The following NF1 variants were observed in gnomAD, a reference collection of about 807,000 sequenced individuals.
The protein encoded by NF1 is neurofibromin 1.
NF1 carries 122 observed loss-of-function variants against 325.7 expected under a neutral mutation model. The observed-to-expected ratio is 0.37, with a 90% confidence interval of 0.32 to 0.44. The LOEUF (loss-of-function observed/expected upper bound fraction) is 0.44, where lower values mean the gene tolerates loss of function less well. Among genes scored for constraint, NF1 ranks in the 20% least tolerant of loss-of-function variants. The pLI is 1.00. For synonymous variants in NF1, 1,091 were observed against 1,186.0 expected (o/e 0.92, Z 1.65); for missense variants, 2,140 against 3,415.4 (o/e 0.63, Z 9.31).
intron 48 of NF1, among the ~76,000 whole-genome samples, chr17:31,347,485 T>TA: frequency 6.6e-6 from 1 of 152,206 alleles, no homozygotes. Flanking sequence ...AACATATCGA[T>TA]AAACCATTTG....
intron 1 of NF1, among the ~76,000 whole-genome samples, chr17:31,121,337 A>T (rs1243232167): frequency 6.6e-6 from 1 of 151,368 alleles, no homozygotes; most frequent in Non-Finnish European, 1.5e-5. Flanking sequence ...ATTTTATTTC[A>T]TATATTCATT....
intron 40 of NF1, among the ~76,000 whole-genome samples, 185 bp downstream of exon 40, chr17:31,335,216 T>C (rs2069615639): frequency 8.3e-6 from 1 of 121,020 alleles, no homozygotes; most frequent in South Asian, 2.5e-4. Flanking sequence ...AAATGTCTAG[T>C]GCATGTCTCA....
At chr17:31,322,534 A>G (rs917199910) in intron 36 of NF1, among the ~76,000 whole-genome samples, 1 of 119,396 alleles carries the variant, frequency 8.4e-6, no homozygotes, top group Admixed American at 8.8e-5. Flanking sequence ...AAAAAAAAAA[A>G]AAGAACTGGA....
At chr17:31,103,452 C>G (rs1912551792) in intron 1 of NF1, among the ~76,000 whole-genome samples, 2 of 151,846 alleles carry the variant, frequency 1.3e-5, no homozygotes, top group African/African-American at 4.8e-5. Flanking sequence ...ACCATGTTGG[C>G]TAGGCTGGTC....
chr17:31,268,457 T>C (rs562770861), intron 36 of NF1, among the ~76,000 whole-genome samples: 102 of 151,878 alleles, frequency 6.7e-4, no homozygotes, highest in African/African-American at 2.4e-3. Context: ...TGAAACCCCA[T>C]CTCTACTAAA....
At chr17:31,124,201 C>T (rs1914670508) in intron 1 of NF1, among the ~76,000 whole-genome samples, 1 of 151,946 alleles carries the variant, frequency 6.6e-6, no homozygotes, top group African/African-American at 2.4e-5. Context: ...AAATATTCTG[C>T]AATTTGCTTT....
At chr17:31,246,470 A>G (rs1284035864) in intron 29 of NF1, among the ~76,000 whole-genome samples, 1 of 152,276 alleles carries the variant, frequency 6.6e-6, no homozygotes, top group Non-Finnish European at 1.5e-5. Flanking sequence ...ATATAGAAAC[A>G]AAATTACTAA....
rs876659418 is a variant in NF1 at position 31,163,270 on chromosome 17, C to A, written c.373C>A (p.Arg125Ser). 1 of 1,614,100 alleles carries A rather than the reference C, an allele frequency of 6.2e-7. No homozygotes were observed. The highest frequency in any genetic ancestry group is 1.1e-5 in the South Asian group (1 of 91,066). ...AATCTGCCATTTTCTTCACACCTGT[C>A]GTGAAGGAAACCAGCATGCAGCTGA... ...PEICHFLHTC[R>S]EGNQHAAELR... The change falls in exon 4 of 58, where the codon CGT (arginine) becomes AGT (serine). Residue 125 changes from arginine (R) to serine (S), a missense_variant. By Grantham distance (110) the Arg-to-Ser change is moderately radical (BLOSUM62 -1). Transcript: ENST00000358273.
At chr17:31,228,574 C>A (rs1434990135) in intron 20 of NF1, among the ~76,000 whole-genome samples, 2 of 152,098 alleles carry the variant, frequency 1.3e-5, no homozygotes, top group Non-Finnish European at 2.9e-5. Context: ...GAGAAAAAAA[C>A]CCCGTACCCT....
chr17:31,328,765 T>C (rs1027691767), intron 38 of NF1, among the ~76,000 whole-genome samples: 13 of 152,172 alleles, frequency 8.5e-5, no homozygotes, highest in African/African-American at 3.1e-4. Context: ...CCAGGTTTTA[T>C]AGTGGGCCTT....
At chr17:31,313,202 A>G (rs1275173733) in intron 36 of NF1, among the ~76,000 whole-genome samples, 4 of 152,170 alleles carry the variant, frequency 2.6e-5, no homozygotes, top group Admixed American at 2.0e-4. Flanking sequence ...CATTCTTACT[A>G]TGCAAACTAA....
intron 36 of NF1, among the ~76,000 whole-genome samples, chr17:31,312,535 A>AG (rs2068904574): frequency 6.6e-6 from 1 of 151,684 alleles, no homozygotes; most frequent in Non-Finnish European, 1.5e-5. Flanking sequence ...AAAAAAAAAA[A>AG]GTATGGGATT....
At chr17:31,169,354 A>G (rs2065895911) in intron 4 of NF1, among the ~76,000 whole-genome samples, 1 of 152,212 alleles carries the variant, frequency 6.6e-6, no homozygotes, top group African/African-American at 2.4e-5. Flanking sequence ...TCTTAAGGAT[A>G]AGGATGCTAC....
chr17:31,337,627 T>A lies in NF1; in HGVS notation c.6642+45T>A, dbSNP rs17883614. 52,426 of 1,555,824 alleles carry A rather than the reference T, an allele frequency of 0.034. 5,974 individuals carry two copies. In the African/African-American group the frequency reaches 0.38, roughly 11 times the overall value. Reference sequence around the variant, plus strand: ...AAGAAACTAAGTTAAAATCTTTTTTTAAAAATATGTTAATACTATATAGAA... The same window carrying A: ...AAGAAACTAAGTTAAAATCTTTTTTAAAAAATATGTTAATACTATATAGAA... On this transcript the variant is annotated intron_variant, in intron 43 of 57. Transcript: ENST00000358273.
At chr17:31,282,848 C>G (rs1175331810) in intron 36 of NF1, among the ~76,000 whole-genome samples, 1 of 152,056 alleles carries the variant, frequency 6.6e-6, no homozygotes, top group African/African-American at 2.4e-5. Context: ...AATGATTTTC[C>G]AAAGTAGCTG....
At chr17:31,301,353 A>T (rs1008720103) in intron 36 of NF1, among the ~76,000 whole-genome samples, 3 of 151,830 alleles carry the variant, frequency 2.0e-5, no homozygotes, top group Admixed American at 6.6e-5. Flanking sequence ...TATGGATCAA[A>T]TTTTTTCTTT....
At chr17:31,103,036 A>G (rs1912496053) in intron 1 of NF1, among the ~76,000 whole-genome samples, 1 of 151,536 alleles carries the variant, frequency 6.6e-6, no homozygotes, top group Admixed American at 6.6e-5. Context: ...AAAAGAGACA[A>G]GGGTTCGCCA....
intron 11 of NF1, among the ~76,000 whole-genome samples, chr17:31,205,688 A>T (rs1462936403): frequency 2.6e-5 from 4 of 152,104 alleles, no homozygotes; most frequent in Non-Finnish European, 5.9e-5. Context: ...TTGCATATCA[A>T]TTTATAGGTT....
chr17:31,107,969 A>C (rs2143268951), intron 1 of NF1, among the ~76,000 whole-genome samples: 1 of 151,670 alleles, frequency 6.6e-6, no homozygotes, highest in East Asian at 1.9e-4. Flanking sequence ...TAGTATGCAC[A>C]AAAAAATAAA....
Sources: allele counts gnomAD v4.1 joint callset (sites outside exome capture counted in the v4.1 genomes callset), GRCh38; gene constraint gnomAD v4.1.1; transcripts MANE v1.5; gene names NCBI Gene and HGNC (gene_info 2026-07-23, HGNC 2026-07-21).